OSBPL5: variants seen among roughly 807,000 people sequenced by gnomAD.
The protein encoded by OSBPL5 is oxysterol binding protein like 5.
A neutral mutation model predicts 111.2 loss-of-function variants in OSBPL5; 71 were observed. The observed-to-expected ratio is 0.64, with a 90% CI of 0.53 to 0.78. The LOEUF is 0.78. Among genes scored for constraint, OSBPL5 ranks in the 30% least tolerant of loss-of-function variants. OSBPL5 has a pLI of 0.00. For missense variants in OSBPL5, 1,210 were observed against 1,189.3 expected (o/e 1.02, Z -0.26); for synonymous variants, 549 against 513.9 (o/e 1.07, Z -0.93).
rs1857022443 is a variant in OSBPL5, at chr11:3,090,592, G to T, written c.2364C>A (p.Leu788=). Residue 788 remains leucine (L), a synonymous_variant, in exon 20 of 22, where the codon CTC becomes CTA. Coordinates refer to ENST00000263650, the MANE Select transcript of OSBPL5 (RefSeq NM_020896.4). ...AGTCACCATCCTGCTCCTCGTCTGA[G>T]AGCTCTGGGCAGGACTCAGGCGTGG... The part of the protein sequence containing the change: ...SGSTPESCPE[L]SDEEQDGDFV... 1 of 1,613,128 alleles carries T rather than the reference G, an allele frequency of 6.2e-7. No individual in the cohort carries two copies. The highest frequency in any genetic ancestry group is 8.5e-7 in the Non-Finnish European group (1 of 1,179,938).
At chr11:3,089,414 T>A (rs372123377) in intron 21 of OSBPL5, among the ~76,000 whole-genome samples, 1 of 152,190 alleles carries the variant, frequency 6.6e-6, no homozygotes, top group Non-Finnish European at 1.5e-5. Flanking sequence ...GGCCTGCACC[T>A]GCCAGCTCTC....
chr11:3,096,836 G>GA (rs994414535), intron 14 of OSBPL5, among the ~76,000 whole-genome samples: 2 of 150,002 alleles, frequency 1.3e-5, no homozygotes, highest in Non-Finnish European at 3.0e-5. Context: ...ATAAAAAGTT[G>GA]AAAAAATATA....
At chr11:3,164,232 G>T (rs1430308515) in intron 1 of OSBPL5, 1 of 152,404 alleles carries the variant, frequency 6.6e-6, no homozygotes, top group Non-Finnish European at 1.5e-5. Context: ...GTTGCGAAAC[G>T]GCAAGAGAGG....
At chr11:3,151,549 A>C (rs951276489) in intron 1 of OSBPL5, among the ~76,000 whole-genome samples, 3 of 152,118 alleles carry the variant, frequency 2.0e-5, no homozygotes, top group African/African-American at 7.2e-5. Flanking sequence ...GGTGCATCCA[A>C]ACCGACCCCT....
In OSBPL5 at chr11:3,154,416, A is replaced by C. The variant is rs1057026315; in HGVS notation, c.-22+10800T>G. On this transcript the variant is annotated intron_variant, in intron 1 of 21. Coordinates refer to ENST00000263650, the MANE Select transcript of OSBPL5 (RefSeq NM_020896.4). The surrounding 1 kb of genome is among the most constrained non-coding windows in gnomAD (Gnocchi z 4.9). ...CAGGCGGGGTGAGCCCGGAAGGGTGAGCATGCGCCTGCTGACGCTTCGTTC... is the reference window on the plus strand; with the variant it reads ...CAGGCGGGGTGAGCCCGGAAGGGTGCGCATGCGCCTGCTGACGCTTCGTTC... Among the ~76,000 whole-genome samples, 3 of 152,210 alleles carry C rather than the reference A, an allele frequency of 2.0e-5. No individual in the cohort carries two copies. Among genetic ancestry groups the C allele is most frequent in the African/African-American group, 7.2e-5 (3 of 41,460 alleles).
At chr11:3,133,564 G>T (rs902437663) in intron 1 of OSBPL5, among the ~76,000 whole-genome samples, 2 of 152,230 alleles carry the variant, frequency 1.3e-5, no homozygotes, top group African/African-American at 4.8e-5. Flanking sequence ...CCATGCCCTG[G>T]GGGGCTGGCC....
chr11:3,111,745 G>A (rs1857945640), intron 7 of OSBPL5, among the ~76,000 whole-genome samples: 1 of 152,132 alleles, frequency 6.6e-6, no homozygotes, highest in African/African-American at 2.4e-5. Context: ...AAAAAAAGAG[G>A]AAAGATTTTG....
At position 3,104,775 on chromosome 11, in the gene OSBPL5, C is replaced by G. The variant is rs1857638101; in HGVS notation, c.1060-398G>C. 6.6e-6 allele frequency among the ~76,000 whole-genome samples: 1 copy of G among 152,152 alleles called. No individual in the cohort carries two copies. The highest frequency in any genetic ancestry group is 2.4e-5 in the African/African-American group (1 of 41,434). ...CTGTCTTCACAGCTGCCAGGGGAGG[C>G]AGGGATTTGGCCTGCTCTTCCATTT... is the stretch of plus-strand genomic sequence containing the variant. On this transcript the variant is annotated intron_variant, in intron 9 of 21. Transcript: ENST00000263650. The surrounding 1 kb of genome is among the most constrained non-coding windows in gnomAD (Gnocchi z 5.0).
intron 15 of OSBPL5, 84 bp from the exon 16 acceptor site, chr11:3,093,919 TA>T (rs1857156004): frequency 1.3e-6 from 2 of 1,491,446 alleles, no homozygotes; most frequent in Non-Finnish European, 1.8e-6. Flanking sequence ...ACGGAACAGT[TA>T]TTCTCTTGGG....
intron 15 of OSBPL5, 58 bp downstream of exon 15, chr11:3,094,179 T>C: frequency 6.6e-7 from 1 of 1,511,486 alleles, no homozygotes; most frequent in Non-Finnish European, 9.1e-7. Context: ...GTGAGGGGGA[T>C]CCCCAAGGCT....
chr11:3,153,685 G>T (rs984619391), intron 1 of OSBPL5, among the ~76,000 whole-genome samples: 1 of 152,068 alleles, frequency 6.6e-6, no homozygotes, highest in African/African-American at 2.4e-5. Context: ...AACAGGGCGG[G>T]AGGACAGTTA....
rs1165603228 is a variant in OSBPL5, at chr11:3,146,626, T to C, written c.-21-17457A>G. 7 of 151,870 alleles carry C rather than the reference T, an allele frequency of 4.6e-5. No individual in the cohort carries two copies. Among genetic ancestry groups the C allele is most frequent in the African/African-American group, 1.7e-4 (7 of 41,268 alleles). 9.4% of individuals were successfully genotyped at this position (151,870 alleles called of 1,614,324 possible). On this transcript the variant is annotated intron_variant, in intron 1 of 21. Transcript: ENST00000263650. This position sits in a 1 kb window ranked among gnomAD's most constrained non-coding sequence, Gnocchi z 7.8. ...TTCGGGCACTCCGTCGCTTGCCTTC[T>C]GCAGAGCTGCTAAGCCGCTGGGCAC...
intron 1 of OSBPL5, among the ~76,000 whole-genome samples, chr11:3,153,832 T>C (rs1846665233): frequency 6.6e-6 from 1 of 152,264 alleles, no homozygotes; most frequent in South Asian, 2.1e-4. Flanking sequence ...GTGTCCACTA[T>C]GGCTGCTCAG....
chr11:3,112,482 T>TC (rs201241163), intron 7 of OSBPL5, among the ~76,000 whole-genome samples: 87 of 146,126 alleles, frequency 6.0e-4, no homozygotes, highest in African/African-American at 2.0e-3. Context: ...TCTTTTCTTT[T>TC]TTTTTTTTTT....
At chr11:3,129,231 ATGG>A in intron 1 of OSBPL5, 62 bp from the exon 2 acceptor site, 1 of 1,329,932 alleles carries the variant, frequency 7.5e-7, no homozygotes, top group South Asian at 1.9e-5. Context: ...TCAGAGCCAC[ATGG>A]TGGGGGTGCC....
chr11:3,097,286 C>A (rs528061070), intron 14 of OSBPL5, among the ~76,000 whole-genome samples: 1 of 151,952 alleles, frequency 6.6e-6, no homozygotes, highest in Non-Finnish European at 1.5e-5. Context: ...TTCCACTAAG[C>A]AGGCACTCTC....
chr11:3,143,028 TGCGGG>T (rs1846181925), intron 1 of OSBPL5, among the ~76,000 whole-genome samples: 1 of 25,704 alleles, frequency 3.9e-5, no homozygotes, highest in African/African-American at 1.1e-4. Context: ...AGGAGGCAGG[TGCGGG>T]GGGGGGCAGA....
rs1858098539 is a variant in OSBPL5, at chr11:3,113,779, G to A, written c.691+5768C>T. On this transcript the variant is annotated intron_variant, in intron 7 of 21. Coordinates refer to ENST00000263650, the MANE Select transcript of OSBPL5 (RefSeq NM_020896.4). The surrounding 1 kb of genome is among the most constrained non-coding windows in gnomAD (Gnocchi z 4.8). ...CCACAGGCAGTAAGGTTCATTTTGA[G>A]AAAGACTGTTATAGTCTTTGTTTCA... is the stretch of plus-strand genomic sequence containing the variant. Among the ~76,000 whole-genome samples the A allele has an allele frequency of 6.6e-6, 1 of 152,178 alleles. No homozygotes were observed. Among genetic ancestry groups the A allele is most frequent in the Admixed American group, 6.5e-5 (1 of 15,274 alleles).
chr11:3,101,772 C>A, intron 12 of OSBPL5, 73 bp from the exon 13 acceptor site: 1 of 1,251,256 alleles, frequency 8.0e-7, no homozygotes, highest in Middle Eastern at 1.9e-4. Context: ...CCCAGCTTCC[C>A]CCAAAAAACC....
Sources: gnomAD v4.1 joint callset for allele counts (sites outside exome capture counted in the v4.1 genomes callset) on GRCh38, gnomAD v4.1.1 for gene constraint, Gnocchi (gnomAD v3.1) non-coding constraint, MANE v1.5 for transcripts, NCBI Gene and HGNC (gene_info 2026-07-23, HGNC 2026-07-21) for gene names.